Variants in DIAPH1 observed in about 807,000 individuals in gnomAD.
DIAPH1 encodes diaphanous related formin 1, also known as protein diaphanous homolog 1.
A neutral mutation model predicts 140.7 loss-of-function variants in DIAPH1; 46 were observed. The ratio of observed to expected loss-of-function variants is 0.33; its 90% CI spans 0.26 to 0.42. The LOEUF (loss-of-function observed/expected upper bound fraction) is 0.42, where lower values mean the gene tolerates loss of function less well. Among genes scored for constraint, DIAPH1 ranks in the 10% least tolerant of loss-of-function variants. The pLI is 1.00. For synonymous variants in DIAPH1, 565 were observed against 551.6 expected (o/e 1.02, Z -0.34); for missense variants, 1,310 against 1,558.7 (o/e 0.84, Z 2.69).
intron 18 of DIAPH1, among the ~76,000 whole-genome samples, chr5:141,549,804 A>G (rs2099891408): frequency 6.6e-6 from 1 of 152,210 alleles, no homozygotes; most frequent in Non-Finnish European, 1.5e-5. Context: ...ATGGAATGAA[A>G]TCAACACATC....
intron 18 of DIAPH1, among the ~76,000 whole-genome samples, chr5:141,539,377 A>G (rs1274687115): frequency 6.6e-6 from 1 of 150,430 alleles, no homozygotes. Flanking sequence ...GGTGGAATTC[A>G]GCAGTGAAGA....
chr5:141,560,027 T>C (rs534123200), intron 18 of DIAPH1, among the ~76,000 whole-genome samples: 2 of 152,326 alleles, frequency 1.3e-5, no homozygotes, highest in South Asian at 4.1e-4. Flanking sequence ...ATTATTTCTG[T>C]ACACATCTCT....
intron 1 of DIAPH1, among the ~76,000 whole-genome samples, chr5:141,600,496 G>A (rs966794417): frequency 6.6e-6 from 1 of 152,210 alleles, no homozygotes; most frequent in African/African-American, 2.4e-5. Flanking sequence ...TAAGCAAACT[G>A]CTGAACTCTG....
At chr5:141,520,638 C>T (rs915514957) in intron 27 of DIAPH1, among the ~76,000 whole-genome samples, 9 of 152,160 alleles carry the variant, frequency 5.9e-5, no homozygotes, top group African/African-American at 2.2e-4. Flanking sequence ...TATAAATTAC[C>T]CAGTCTCCAG....
chr5:141,545,236 T>C (rs941244177), intron 18 of DIAPH1, among the ~76,000 whole-genome samples: 6 of 152,202 alleles, frequency 3.9e-5, no homozygotes, highest in Admixed American at 2.0e-4. Context: ...TTGTCAGCCA[T>C]ATAATACTGT....
At chr5:141,578,074 A>C (rs2099896220) in intron 11 of DIAPH1, 151 bp downstream of exon 11, 2 of 756,458 alleles carry the variant, frequency 2.6e-6, no homozygotes, top group Admixed American at 1.8e-5. Context: ...AGCCAGCGCA[A>C]TAAAAATACA....
At chr5:141,569,752 C>T (rs1334594721) in intron 18 of DIAPH1, among the ~76,000 whole-genome samples, 1 of 151,972 alleles carries the variant, frequency 6.6e-6, no homozygotes, top group African/African-American at 2.4e-5. Flanking sequence ...CAGAGCAACA[C>T]TCTGTCTCAA....
chr5:141,605,250 T>C (rs1479850276), intron 1 of DIAPH1, among the ~76,000 whole-genome samples: 1 of 152,130 alleles, frequency 6.6e-6, no homozygotes, highest in Non-Finnish European at 1.5e-5. Flanking sequence ...AGCTGGAAAA[T>C]TTTTATGACA....
At chr5:141,523,620 C>T (rs1234845085) in intron 27 of DIAPH1, among the ~76,000 whole-genome samples, 5 of 151,858 alleles carry the variant, frequency 3.3e-5, no homozygotes, top group Admixed American at 1.3e-4. Context: ...TTTTCAGACA[C>T]GGCATAATCC....
chr5:141,605,260 A>G (rs1174139371), intron 1 of DIAPH1, among the ~76,000 whole-genome samples: 2 of 152,166 alleles, frequency 1.3e-5, no homozygotes, highest in Non-Finnish European at 1.5e-5. Context: ...TTTTTATGAC[A>G]CTATTTTAAA....
At chr5:141,592,068 C>T (rs1218893773) in intron 1 of DIAPH1, among the ~76,000 whole-genome samples, 5 of 141,086 alleles carry the variant, frequency 3.5e-5, no homozygotes, top group Admixed American at 1.5e-4. Context: ...GGTGACAGAG[C>T]GAGACTCTGT....
chr5:141,551,193 T>C (rs1282778305), intron 18 of DIAPH1, among the ~76,000 whole-genome samples: 2 of 152,238 alleles, frequency 1.3e-5, no homozygotes, highest in Non-Finnish European at 2.9e-5. Flanking sequence ...CTTATGCCTA[T>C]AATCCCAGCA....
chr5:141,596,565 T>C (rs2099899356), intron 1 of DIAPH1, among the ~76,000 whole-genome samples: 1 of 152,132 alleles, frequency 6.6e-6, no homozygotes, highest in Non-Finnish European at 1.5e-5. Flanking sequence ...CTGCAATTCA[T>C]AACAATATAA....
At chr5:141,560,305 G>A (rs1319723229) in intron 18 of DIAPH1, among the ~76,000 whole-genome samples, 1 of 152,186 alleles carries the variant, frequency 6.6e-6, no homozygotes, top group Non-Finnish European at 1.5e-5. Context: ...ACTTTACACT[G>A]TCAGTCACTG....
intron 19 of DIAPH1, among the ~76,000 whole-genome samples, chr5:141,534,064 A>G (rs1052888293): frequency 1.3e-5 from 2 of 151,186 alleles, no homozygotes; most frequent in African/African-American, 4.9e-5. Context: ...AAAAGGCTCA[A>G]ATCCCAGACC....
intron 7 of DIAPH1, chr5:141,582,087 A>AT: frequency 5.5e-6 from 2 of 365,028 alleles, no homozygotes; most frequent in Non-Finnish European, 9.9e-6. Flanking sequence ...AAAAAAAAAA[A>AT]GAGAGAGAAA....
At chr5:141,584,332 C>A in intron 3 of DIAPH1, 107 bp from the exon 4 acceptor site, 1 of 693,858 alleles carries the variant, frequency 1.4e-6, no homozygotes, top group Non-Finnish European at 2.6e-6. Context: ...ATGTAAAATG[C>A]TTAAGTAAAT....
At chr5:141,579,635 A>G (rs1004662765) in intron 8 of DIAPH1, among the ~76,000 whole-genome samples, 1 of 152,222 alleles carries the variant, frequency 6.6e-6, no homozygotes, top group Non-Finnish European at 1.5e-5. Context: ...TAGAACAGAT[A>G]GTGAAATCTG....
intron 7 of DIAPH1, chr5:141,581,945 A>T (rs2099896809): frequency 1.1e-5 from 2 of 185,080 alleles, no homozygotes; most frequent in Admixed American, 1.2e-4. Flanking sequence ...CTGTAGTCCC[A>T]GCTACTCGGG....
Sources: allele counts gnomAD v4.1 joint callset (sites outside exome capture counted in the v4.1 genomes callset), GRCh38; gene constraint gnomAD v4.1.1; transcripts MANE v1.5; gene names NCBI Gene and HGNC (gene_info 2026-07-23, HGNC 2026-07-21).